PDE6G: variants seen among roughly 807,000 people sequenced by gnomAD.
The protein encoded by PDE6G is phosphodiesterase 6G, also known as rod cGMP 3',5'-cyclic phosphodiesterase subunit gamma.
Under a neutral mutation model 10.9 loss-of-function variants are expected in PDE6G, and 10 were observed. The ratio of observed to expected loss-of-function variants is 0.91; its 90% confidence interval spans 0.56 to 1.55. PDE6G has a LOEUF of 1.55. PDE6G is among the 40% of genes most tolerant of loss of function. The pLI, the probability that PDE6G is intolerant of heterozygous loss-of-function variation, is 0.00. For synonymous variants in PDE6G, 41 were observed against 42.8 expected (o/e 0.96, Z 0.16); for missense variants, 102 against 110.1 (o/e 0.93, Z 0.33).
Position 81,656,540 on chromosome 17 carries a change from C to T in PDE6G, c.-107G>A, listed in dbSNP as rs1392843511. ...GGGCTGTGCTGTGAGTGCTGGGCCT[C>T]CCTCCGCAGGGTGCCAGCCCCGGCC... On this transcript the variant is annotated 5_prime_UTR_variant, in exon 1 of 4. Transcript: ENST00000331056. The T allele has an allele frequency of 2.6e-6, 2 of 763,246 alleles. No individual in the cohort carries two copies. Among genetic ancestry groups the T allele is most frequent in the African/African-American group, 3.4e-5 (2 of 59,116 alleles). 47.3% of individuals were successfully genotyped at this position (763,246 alleles called of 1,614,324 possible).
At position 81,653,405 on chromosome 17, in the gene PDE6G, C is replaced by T; in HGVS notation, c.-59-41G>A. On this transcript the variant is annotated intron_variant, in intron 1 of 3. Transcript: ENST00000331056. This position sits in a 1 kb window ranked among gnomAD's most constrained non-coding sequence, Gnocchi z 5.2. ...GCCCGGGTCCCAGTCAGCCCTCCTG[C>T]TTCCAACCCTTGTGGGGGTCTCAAC... 2 of 1,409,150 alleles carry T rather than the reference C, an allele frequency of 1.4e-6. No homozygotes were observed. The highest frequency in any genetic ancestry group is 1.9e-6 in the Non-Finnish European group (2 of 1,027,920). The allele number at this position is 1,409,150 out of a possible 1,614,324, so 87.3% of individuals were successfully genotyped here.
upstream of PDE6G, among the ~76,000 whole-genome samples, chr17:81,660,804 T>C (rs552665240): frequency 1.8e-4 from 28 of 152,262 alleles, no homozygotes; most frequent in Admixed American, 1.8e-3. Flanking sequence ...ACATACGTAG[T>C]TTTTTGCCAT....
At chr17:81,652,966 A>C (rs1376068247) in intron 2 of PDE6G, among the ~76,000 whole-genome samples, 194 bp downstream of exon 2, 4 of 151,982 alleles carry the variant, frequency 2.6e-5, no homozygotes, top group Admixed American at 1.3e-4. Flanking sequence ...AGCGGGTGAC[A>C]GGAGCCCCCA....
chr17:81,656,497 T>G lies in PDE6G; in HGVS notation c.-64A>C, dbSNP rs563586721. ...GCGGGGTTGGCCACTACTCACCAAGTGCAGGGCGGGTCTCAGGGGGCTGTG... is the reference window on the plus strand; with the variant it reads ...GCGGGGTTGGCCACTACTCACCAAGGGCAGGGCGGGTCTCAGGGGGCTGTG... On this transcript the variant is annotated 5_prime_UTR_variant, in exon 1 of 4. Coordinates refer to ENST00000331056, the MANE Select transcript of PDE6G (RefSeq NM_002602.4). 24 of 762,994 alleles carry G rather than the reference T, an allele frequency of 3.1e-5. No individual in the cohort carries two copies. The highest frequency in any genetic ancestry group is 5.3e-5 in the Non-Finnish European group (22 of 417,134). The allele number at this position is 762,994 out of a possible 1,614,324, so 47.3% of individuals were successfully genotyped here.
chr17:81,657,293 T>C (rs1421166726), upstream of PDE6G, among the ~76,000 whole-genome samples: 1 of 152,228 alleles, frequency 6.6e-6, no homozygotes, highest in African/African-American at 2.4e-5. Context: ...GACTGGCCTC[T>C]GACCACCCTT....
upstream of PDE6G, among the ~76,000 whole-genome samples, chr17:81,660,335 T>C (rs34341886): frequency 0.088 from 13,291 of 151,882 alleles, 833 homozygotes; most frequent in East Asian, 0.22. Context: ...TTTTTTGAAC[T>C]CGGTAAGTGG....
rs571115489 is a variant in PDE6G, at chr17:81,654,981, T to A, written c.-60+1512A>T. ...ACCATGTTAGCCAGGATGGTCTCGA[T>A]CTCCTGACCTCGTGATCCACCCACC... is the stretch of plus-strand genomic sequence containing the variant. On this transcript the variant is annotated intron_variant, in intron 1 of 3. Coordinates refer to ENST00000331056, the MANE Select transcript of PDE6G (RefSeq NM_002602.4). Among the ~76,000 whole-genome samples the A allele has an allele frequency of 1.2e-4, 17 of 146,930 alleles. 1 individual carries two copies. In the East Asian group the frequency reaches 3.5e-3, roughly 30 times the overall value.
chr17:81,659,151 CTTT>C (rs779928637), upstream of PDE6G, among the ~76,000 whole-genome samples: 3 of 114,686 alleles, frequency 2.6e-5, no homozygotes, highest in Non-Finnish European at 1.7e-5. Context: ...CAATCCATAT[CTTT>C]TTTTTTTTTT....
chr17:81,655,875 C>T (rs887404522), intron 1 of PDE6G, among the ~76,000 whole-genome samples: 4 of 152,058 alleles, frequency 2.6e-5, no homozygotes, highest in East Asian at 1.9e-4. Context: ...ATTTTGGGGA[C>T]GCGGGCTCTG....
In PDE6G at chr17:81,651,211, C is replaced by A; in HGVS notation, c.188-61G>T. The A allele has an allele frequency of 4.0e-6, 5 of 1,245,208 alleles. No individual in the cohort carries two copies. Among genetic ancestry groups the A allele is most frequent in the South Asian group, 1.2e-5 (1 of 82,752 alleles). The allele number at this position is 1,245,208 out of a possible 1,614,324, so 77.1% of individuals were successfully genotyped here. On this transcript the variant is annotated intron_variant, in intron 3 of 3. Transcript: ENST00000331056. The surrounding 1 kb of genome is among the most constrained non-coding windows in gnomAD (Gnocchi z 4.8). Reference sequence around the variant, plus strand: ...CCACGGCCTAGGGACCCCCCCATCCCCTGTGGCCCTGTTTCCCACAGCCCA... The same window carrying A: ...CCACGGCCTAGGGACCCCCCCATCCACTGTGGCCCTGTTTCCCACAGCCCA...
upstream of PDE6G, among the ~76,000 whole-genome samples, chr17:81,659,402 C>T (rs192405918): frequency 2.6e-5 from 4 of 151,902 alleles, no homozygotes; most frequent in East Asian, 3.9e-4. Context: ...AGTTTGAGAC[C>T]GGCCTGGGCA....
At chr17:81,654,348 TG>T (rs1486917330) in intron 1 of PDE6G, among the ~76,000 whole-genome samples, 3 of 150,712 alleles carry the variant, frequency 2.0e-5, no homozygotes, top group Non-Finnish European at 4.4e-5. Context: ...TCCAGGCTGG[TG>T]GGCGTCTCCC....
chr17:81,653,187 C>A lies in PDE6G; in HGVS notation c.119G>T (p.Ser40Ile). The A allele has an allele frequency of 6.2e-7, 1 of 1,614,114 alleles. No homozygotes were observed. Among genetic ancestry groups the A allele is most frequent in the Non-Finnish European group, 8.5e-7 (1 of 1,180,010 alleles). The stretch of plus-strand genomic sequence containing the variant: ...TTGAACGCCTTTCTTTGGGGGCTTG[C>A]TCTTGAACTGCCTGGTCTGTCGCTG... ...FKQRQTRQFKSKPPKKGVQGF... is the reference protein window; with the variant it reads ...FKQRQTRQFKIKPPKKGVQGF... Residue 40 changes from serine (S) to isoleucine (I), a missense_variant, in exon 2 of 4, where the codon AGC becomes ATC. Coordinates refer to ENST00000331056, the MANE Select transcript of PDE6G (RefSeq NM_002602.4). This position sits in a 1 kb window ranked among gnomAD's most constrained non-coding sequence, Gnocchi z 5.2.
At chr17:81,659,333 C>T (rs1473679311), upstream of PDE6G, among the ~76,000 whole-genome samples, 2 of 151,846 alleles carry the variant, frequency 1.3e-5, no homozygotes, top group Non-Finnish European at 2.9e-5. Context: ...ATAGGCCAGG[C>T]ATGGTGGCTC....
At chr17:81,655,940 C>T (rs574875825) in intron 1 of PDE6G, among the ~76,000 whole-genome samples, 1 of 152,316 alleles carries the variant, frequency 6.6e-6, no homozygotes, top group South Asian at 2.1e-4. Flanking sequence ...CACCTTCCCT[C>T]ACTAAGGTTC....
Position 81,651,794 on chromosome 17 carries a change from A to G in PDE6G, c.147-109T>C, listed in dbSNP as rs2144397770. ...CTAGGAGATGAGGTGTTTGGCTGGGAGCCCAGTGGGCAGAGACCCGCCTCC... is the reference window on the plus strand; with the variant it reads ...CTAGGAGATGAGGTGTTTGGCTGGGGGCCCAGTGGGCAGAGACCCGCCTCC... On this transcript the variant is annotated intron_variant, in intron 2 of 3. Transcript: ENST00000331056. This position sits in a 1 kb window ranked among gnomAD's most constrained non-coding sequence, Gnocchi z 4.8. 9 of 1,258,800 alleles carry G rather than the reference A, an allele frequency of 7.1e-6. No individual in the cohort carries two copies. Among genetic ancestry groups the G allele is most frequent in the Non-Finnish European group, 1.0e-5 (9 of 881,908 alleles). The allele number at this position is 1,258,800 out of a possible 1,614,324, so 78.0% of individuals were successfully genotyped here. A position where few individuals can be genotyped will look rare whatever the true frequency, so the allele number is the denominator to read the frequency against.
At chr17:81,656,000 A>T (rs2036441415) in intron 1 of PDE6G, among the ~76,000 whole-genome samples, 2 of 152,014 alleles carry the variant, frequency 1.3e-5, no homozygotes. Context: ...CAAAACCAGC[A>T]CTCAGGAGCC....
upstream of PDE6G, among the ~76,000 whole-genome samples, chr17:81,661,193 T>C (rs191906623): frequency 1.3e-5 from 2 of 152,192 alleles, no homozygotes; most frequent in East Asian, 3.9e-4. Context: ...TTGGGCAACG[T>C]AGGAAGACCC....
chr17:81,661,654 T>A (rs909679190), intron 1 of PDE6G, among the ~76,000 whole-genome samples: 20 of 148,754 alleles, frequency 1.3e-4, no homozygotes, highest in African/African-American at 4.2e-4. Flanking sequence ...AGGTCAGGAG[T>A]TCAAGACCAA....
Sources: allele counts gnomAD v4.1 joint callset (sites outside exome capture counted in the v4.1 genomes callset), GRCh38; gene constraint gnomAD v4.1.1; non-coding constraint Gnocchi (gnomAD v3.1); transcripts MANE v1.5; gene names NCBI Gene and HGNC (gene_info 2026-07-23, HGNC 2026-07-21).